Variants in KIAA1328 observed in about 807,000 individuals in gnomAD.
The protein encoded by KIAA1328 is protein hinderin.
KIAA1328 carries 52 observed loss-of-function variants against 68.1 expected under a neutral mutation model. That is an observed-to-expected ratio of 0.76 (90% CI 0.61 to 0.96). KIAA1328 has a LOEUF of 0.96. Ranked by LOEUF, KIAA1328 falls within the 40% of genes least tolerant of loss-of-function variation. KIAA1328 has a pLI of 0.00. For missense variants in KIAA1328, 641 were observed against 677.6 expected (o/e 0.95, Z 0.60); for synonymous variants, 232 against 239.4 (o/e 0.97, Z 0.28).
At chr18:37,078,311 C>G (rs1194986529) in intron 7 of KIAA1328, among the ~76,000 whole-genome samples, 1 of 152,112 alleles carries the variant, frequency 6.6e-6, no homozygotes, top group East Asian at 1.9e-4. Flanking sequence ...TTCCTTACAC[C>G]TTATACAAAA....
At chr18:37,049,641 C>T (rs1381408848) in intron 6 of KIAA1328, among the ~76,000 whole-genome samples, 2 of 152,118 alleles carry the variant, frequency 1.3e-5, no homozygotes, top group East Asian at 3.9e-4. Flanking sequence ...ATGCTTCTCA[C>T]TCAGTCTCTT....
At chr18:37,120,646 A>G (rs549473385) in intron 7 of KIAA1328, among the ~76,000 whole-genome samples, 2 of 152,316 alleles carry the variant, frequency 1.3e-5, no homozygotes, top group East Asian at 3.9e-4. Flanking sequence ...ACTCTCAAGG[A>G]GAGCCAGAGA....
intron 3 of KIAA1328, among the ~76,000 whole-genome samples, chr18:36,838,396 T>G (rs2046749263): frequency 6.6e-6 from 1 of 152,240 alleles, no homozygotes; most frequent in African/African-American, 2.4e-5. Context: ...GGTGTTTTCA[T>G]TCTTTCACGT....
intron 8 of KIAA1328, among the ~76,000 whole-genome samples, chr18:37,167,720 G>T (rs1027757757): frequency 6.6e-6 from 1 of 151,980 alleles, no homozygotes; most frequent in African/African-American, 2.4e-5. Context: ...GTTTTTATGG[G>T]CACAGGATGT....
intron 3 of KIAA1328, among the ~76,000 whole-genome samples, chr18:36,838,457 GGAAAGAATTTT>G (rs2046751987): frequency 6.6e-6 from 1 of 152,118 alleles, no homozygotes; most frequent in Non-Finnish European, 1.5e-5. Flanking sequence ...AGGTATGCTA[GGAAAGAATTTT>G]TTCAGCTCAC....
chr18:36,902,645 A>ACCTGGG (rs2049080633), intron 5 of KIAA1328, among the ~76,000 whole-genome samples: 1 of 152,088 alleles, frequency 6.6e-6, no homozygotes, highest in Admixed American at 6.6e-5. Flanking sequence ...TATTATCCAT[A>ACCTGGG]AGATATCAAA....
At chr18:37,209,470 G>A (rs1053271083) in intron 9 of KIAA1328, among the ~76,000 whole-genome samples, 1 of 150,810 alleles carries the variant, frequency 6.6e-6, no homozygotes, top group Non-Finnish European at 1.5e-5. Flanking sequence ...ATGTGTGTAT[G>A]TGTGTGTGTG....
intron 6 of KIAA1328, among the ~76,000 whole-genome samples, chr18:36,989,985 AC>A (rs1325252136): frequency 6.6e-6 from 1 of 151,956 alleles, no homozygotes; most frequent in Non-Finnish European, 1.5e-5. Flanking sequence ...GAGCCGCCGC[AC>A]CCAGCCAGTA....
intron 1 of KIAA1328, 57 bp downstream of exon 1, chr18:36,829,253 CG>C: frequency 6.8e-7 from 1 of 1,460,076 alleles, no homozygotes; most frequent in South Asian, 1.4e-5. Context: ...CGGCGAGGGG[CG>C]AGCCGTCGCG....
rs777714472 is a variant in KIAA1328 at position 37,117,889 on chromosome 18, T to A, written c.1233-42311T>A. ...ACGTAGTTGGTTTAAAAAAAAAAAA[T>A]ATATATATATATACTAACATATTCA... On this transcript the variant is annotated intron_variant, in intron 7 of 9. Coordinates refer to ENST00000280020, the MANE Select transcript of KIAA1328 (RefSeq NM_020776.3). 5.7e-3 allele frequency among the ~76,000 whole-genome samples: 673 copies of A among 117,546 alleles called. 3 individuals carry two copies. The highest frequency in any genetic ancestry group is 0.011 in the Admixed American group (121 of 10,746). The allele number at this position is 117,546 out of a possible 152,430, so 77.1% of individuals were successfully genotyped here.
chr18:37,175,797 T>C (rs2059587766), intron 9 of KIAA1328, among the ~76,000 whole-genome samples: 2 of 152,154 alleles, frequency 1.3e-5, no homozygotes, highest in Non-Finnish European at 2.9e-5. Flanking sequence ...AACAAACCTT[T>C]GAAAGTACCA....
At chr18:36,833,593 G>A (rs931827790) in intron 1 of KIAA1328, among the ~76,000 whole-genome samples, 8 of 152,146 alleles carry the variant, frequency 5.3e-5, no homozygotes, top group African/African-American at 1.9e-4. Context: ...TGAAAAAATA[G>A]GCTGTTAAGG....
At chr18:36,932,061 G>A (rs537868760) in intron 5 of KIAA1328, among the ~76,000 whole-genome samples, 106 of 152,146 alleles carry the variant, frequency 7.0e-4, no homozygotes, top group Non-Finnish European at 1.2e-3. Flanking sequence ...ATCTTCAAGG[G>A]AGCATAGAGA....
intron 2 of KIAA1328, 109 bp downstream of exon 2, chr18:36,834,464 C>G (rs961891800): frequency 1.1e-5 from 10 of 894,384 alleles, no homozygotes; most frequent in Non-Finnish European, 1.6e-5. Flanking sequence ...GAATGCAGAG[C>G]AGTACATCAA....
chr18:36,847,012 A>G lies in KIAA1328; in HGVS notation c.332+2710A>G, dbSNP rs141888307. ...AATTTGACTAATCTATGTAACTCAT[A>G]TAAGTGAAATCATACAATATTTGAC... On this transcript the variant is annotated intron_variant, in intron 4 of 9. Coordinates refer to ENST00000280020, the MANE Select transcript of KIAA1328 (RefSeq NM_020776.3). 1.3e-3 allele frequency among the ~76,000 whole-genome samples: 203 copies of G among 151,708 alleles called. 3 individuals are homozygous for G. The Middle Eastern group carries it at 0.024, about 18-fold the overall frequency.
chr18:37,063,036 C>CTT (rs570431713), intron 6 of KIAA1328, among the ~76,000 whole-genome samples: 7 of 141,328 alleles, frequency 5.0e-5, no homozygotes, highest in South Asian at 2.3e-4. Context: ...GGCTGCATTC[C>CTT]TTTTTTTTTT....
At chr18:37,106,568 C>A (rs2151889537) in intron 7 of KIAA1328, among the ~76,000 whole-genome samples, 1 of 152,012 alleles carries the variant, frequency 6.6e-6, no homozygotes, top group East Asian at 2.0e-4. Context: ...ACAGGCGTGC[C>A]CCACCACGCC....
intron 5 of KIAA1328, among the ~76,000 whole-genome samples, chr18:36,894,552 G>T (rs1028615511): frequency 2.0e-5 from 3 of 151,588 alleles, no homozygotes; most frequent in Non-Finnish European, 4.4e-5. Context: ...TTGAGACAGG[G>T]TCTTACCAGG....
intron 5 of KIAA1328, among the ~76,000 whole-genome samples, chr18:36,888,181 C>A (rs912265451): frequency 6.6e-6 from 1 of 152,158 alleles, no homozygotes; most frequent in Non-Finnish European, 1.5e-5. Context: ...GGGGGGAGAA[C>A]ACTACTACTG....
Sources: allele counts gnomAD v4.1 joint callset (sites outside exome capture counted in the v4.1 genomes callset), GRCh38; gene constraint gnomAD v4.1.1; transcripts MANE v1.5; gene names NCBI Gene and HGNC (gene_info 2026-07-23, HGNC 2026-07-21).